ZNF479: variants seen among roughly 807,000 people sequenced by gnomAD.
The protein encoded by ZNF479 is zinc finger protein 479.
ZNF479 carries 15 observed loss-of-function variants against 14.7 expected under a neutral mutation model. The observed-to-expected ratio is 1.02, with a 90% confidence interval of 0.68 to 1.57. The LOEUF (loss-of-function observed/expected upper bound fraction) is 1.57. ZNF479 is among the 40% of genes most tolerant of loss of function. The pLI is 0.00. For missense variants in ZNF479, 506 were observed against 615.1 expected (o/e 0.82, Z 1.88); for synonymous variants, 145 against 211.5 (o/e 0.69, Z 2.73).
At chr7:57,127,066 A>G (rs938314361) in intron 1 of ZNF479, among the ~76,000 whole-genome samples, 4 of 133,286 alleles carry the variant, frequency 3.0e-5, no homozygotes, top group African/African-American at 1.1e-4. Flanking sequence ...TCTGTTGCCC[A>G]GGCTGGAGTG....
In ZNF479 at chr7:57,119,553, G is replaced by C. The variant is rs1785808675; in HGVS notation, c.*287C>G. ...ACCCGGAAGGCAGAGGTTACAGTGA[G>C]CTGAGATCATGACACTGCACTCCAG... On this transcript the variant is annotated 3_prime_UTR_variant, in exon 4 of 4. Coordinates refer to ENST00000319636, the MANE Select transcript of ZNF479 (RefSeq NM_001370129.2). 9.0e-6 allele frequency: 3 copies of C among 331,764 alleles called. No individual in the cohort carries two copies. The Admixed American group carries it at 1.4e-4, about 15-fold the overall frequency. 20.6% of individuals were successfully genotyped at this position (331,764 alleles called of 1,614,324 possible). A position where few individuals can be genotyped will look rare whatever the true frequency, so the allele number is the denominator to read the frequency against.
intron 3 of ZNF479, among the ~76,000 whole-genome samples, chr7:57,122,716 T>C (rs1264309402): frequency 6.6e-6 from 1 of 152,144 alleles, no homozygotes; most frequent in Non-Finnish European, 1.5e-5. Context: ...ATCTCCAATG[T>C]AGCACAAAGA....
chr7:57,125,399 G>A (rs1305123958), intron 3 of ZNF479, among the ~76,000 whole-genome samples: 6 of 151,556 alleles, frequency 4.0e-5, no homozygotes, highest in African/African-American at 9.7e-5. Context: ...TACCATTTAT[G>A]AGTCTATATC....
chr7:57,125,159 A>C (rs1352446305), intron 3 of ZNF479, among the ~76,000 whole-genome samples: 1 of 152,230 alleles, frequency 6.6e-6, no homozygotes, highest in Non-Finnish European at 1.5e-5. Context: ...GGTTGCACAA[A>C]ATTAATAATT....
chr7:57,122,409 T>C (rs1178675663), intron 3 of ZNF479, among the ~76,000 whole-genome samples: 1 of 150,994 alleles, frequency 6.6e-6, no homozygotes, highest in African/African-American at 2.4e-5. Context: ...CCACTTAAAA[T>C]AACATGATGA....
In ZNF479 at chr7:57,132,321, C is replaced by T. The variant is rs746020741; in HGVS notation, c.4G>A (p.Ala2Thr). 2 of 1,614,066 alleles carry T rather than the reference C, an allele frequency of 1.2e-6. No individual in the cohort carries two copies. The highest frequency in any genetic ancestry group is 2.2e-5 in the South Asian group (2 of 91,074). Residue 2 changes from alanine to threonine, a missense_variant, in exon 1 of 4, where the codon GCT becomes ACT. By Grantham distance (58) the Ala-to-Thr change is moderately conservative (BLOSUM62 0). Around this residue, in one of 3 missense-constraint regions of ZNF479, gnomAD observed 420 missense variants for 474.2 expected, o/e 0.89. Coordinates refer to ENST00000319636, the MANE Select transcript of ZNF479 (RefSeq NM_001370129.2). The part of the protein sequence containing the change: M[A>T]KRPGPPGSRE... ...CTTCCAGGGGGTCCTGGTCTTTTAG[C>T]CATAAATCTGCAGATACCTGCAGGA...
chr7:57,125,602 G>A (rs1469699462), intron 3 of ZNF479, among the ~76,000 whole-genome samples: 1 of 151,632 alleles, frequency 6.6e-6, no homozygotes, highest in Non-Finnish European at 1.5e-5. Context: ...GGCATGTGCA[G>A]AAAAATGGAT....
chr7:57,137,965 C>G lies in ZNF479; in HGVS notation c.-15+1643G>C, dbSNP rs73353115. On this transcript the variant is annotated intron_variant, in intron 1 of 4. Transcript: ENST00000331162. ...TGGTTACATATCACTAGGCCCATCACCTAGATGGTGTGACCGTCTTCTACC... is the reference window on the plus strand; with the variant it reads ...TGGTTACATATCACTAGGCCCATCAGCTAGATGGTGTGACCGTCTTCTACC... 8.8e-3 allele frequency among the ~76,000 whole-genome samples: 1,334 copies of G among 152,252 alleles called. 28 individuals are homozygous for G. Among genetic ancestry groups the G allele is most frequent in the African/African-American group, 0.03 (1,261 of 41,544 alleles).
intron 3 of ZNF479, 72 bp from the exon 4 acceptor site, chr7:57,121,224 A>G: frequency 6.2e-7 from 1 of 1,601,566 alleles, no homozygotes; most frequent in Non-Finnish European, 8.5e-7. Context: ...CATGAAATAT[A>G]TAAAATTACA....
At chr7:57,121,346 A>G (rs1237246475) in intron 3 of ZNF479, among the ~76,000 whole-genome samples, 194 bp from the exon 4 acceptor site, 1 of 152,220 alleles carries the variant, frequency 6.6e-6, no homozygotes, top group African/African-American at 2.4e-5. Context: ...GGAAATTTAT[A>G]AATAAAGTAA....
chr7:57,139,665 T>C (rs35505622), exon 1 of ZNF479: 35,973 of 152,146 alleles, frequency 0.24, 4,978 homozygotes, highest in South Asian at 0.34. Flanking sequence ...TCAGGGGAAA[T>C]TGTAATGTAT....
At chr7:57,121,343 TATAA>T (rs1258164173) in intron 3 of ZNF479, among the ~76,000 whole-genome samples, 191 bp from the exon 4 acceptor site, 2 of 152,184 alleles carry the variant, frequency 1.3e-5, no homozygotes, top group East Asian at 1.9e-4. Flanking sequence ...GTTGGAAATT[TATAA>T]ATAAAGTAAG....
intron 3 of ZNF479, among the ~76,000 whole-genome samples, chr7:57,122,220 G>A (rs1785985609): frequency 6.6e-6 from 1 of 151,934 alleles, no homozygotes; most frequent in Admixed American, 6.6e-5. Context: ...CAGAAACCTT[G>A]CAGGTCAGAA....
upstream of ZNF479, among the ~76,000 whole-genome samples, chr7:57,134,104 A>G (rs1175483649): frequency 3.9e-5 from 6 of 152,216 alleles, no homozygotes; most frequent in South Asian, 2.1e-4. Flanking sequence ...CATCTGAAGC[A>G]GAGAAACTGC....
chr7:57,124,678 A>G (rs2115868080), intron 3 of ZNF479, among the ~76,000 whole-genome samples: 1 of 152,352 alleles, frequency 6.6e-6, no homozygotes, highest in East Asian at 1.9e-4. Flanking sequence ...CTCCCAAGAA[A>G]TCGGTGACAA....
Position 57,132,137 on chromosome 7 carries a change from AG to A in ZNF479, c.39+148del, listed in dbSNP as rs1202994744. ...GGCCCAGGCACCATCTTGCGGCTGGAGGGGACGAGAGCCGAGCTGGGCCAAA... is the reference window on the plus strand; with the variant it reads ...GGCCCAGGCACCATCTTGCGGCTGGAGGGACGAGAGCCGAGCTGGGCCAAA... On this transcript the variant is annotated intron_variant, in intron 1 of 3. Transcript: ENST00000319636. 5.1e-5 allele frequency: 72 copies of A among 1,402,800 alleles called. 1 individual carries two copies. Among genetic ancestry groups the A allele is most frequent in the Non-Finnish European group, 6.0e-6 (6 of 1,001,164 alleles). 86.9% of individuals were successfully genotyped at this position (1,402,800 alleles called of 1,614,324 possible).
chr7:57,134,665 C>CT (rs71053216), upstream of ZNF479, among the ~76,000 whole-genome samples: 22,052 of 106,544 alleles, frequency 0.21, 3,564 homozygotes, highest in East Asian at 0.34. Flanking sequence ...TTTCTTCTAT[C>CT]TTTTTTTTTT....
chr7:57,129,830 CAAA>C (rs539886268), intron 1 of ZNF479, among the ~76,000 whole-genome samples: 1 of 151,802 alleles, frequency 6.6e-6, no homozygotes, highest in African/African-American at 2.4e-5. Flanking sequence ...TAATTCAATA[CAAA>C]AAAACATGTG....
intron 2 of ZNF479, among the ~76,000 whole-genome samples, chr7:57,126,363 A>G (rs1786168437): frequency 6.6e-6 from 1 of 150,712 alleles, no homozygotes; most frequent in Non-Finnish European, 1.5e-5. Flanking sequence ...ATGCCATGGC[A>G]TTTTTGGAAT....
Sources: allele counts gnomAD v4.1 joint callset (sites outside exome capture counted in the v4.1 genomes callset), GRCh38; gene constraint gnomAD v4.1.1; regional missense constraint gnomAD v4.1.1; transcripts MANE v1.5; gene names NCBI Gene and HGNC (gene_info 2026-07-23, HGNC 2026-07-21).